The following CCDC88A variants were observed in gnomAD, a reference collection of about 807,000 sequenced individuals.
The protein encoded by CCDC88A is girdin.
A neutral mutation model predicts 234.3 loss-of-function variants in CCDC88A; 54 were observed. The observed-to-expected ratio is 0.23, with a 90% CI of 0.19 to 0.29. The LOEUF (loss-of-function observed/expected upper bound fraction) is 0.29. CCDC88A is among the 10% of genes least tolerant of loss of function. The probability of loss-of-function intolerance (pLI) is 1.00; values close to 1 mark genes in which losing one functional copy is unlikely to be tolerated. For synonymous variants in CCDC88A, 753 were observed against 737.8 expected, an observed-to-expected ratio of 1.02 and a Z score of -0.33; for missense variants, 1,832 against 2,123.4, an observed-to-expected ratio of 0.86 and a Z score of 2.70.
chr2:55,351,890 TA>T (rs1361846519), intron 8 of CCDC88A, among the ~76,000 whole-genome samples: 10 of 152,140 alleles, frequency 6.6e-5, no homozygotes. Context: ...TACTCAACTC[TA>T]AAAAGAATAA....
chr2:55,381,189 A>G (rs1674528173), intron 3 of CCDC88A, among the ~76,000 whole-genome samples: 1 of 152,206 alleles, frequency 6.6e-6, no homozygotes, highest in Non-Finnish European at 1.5e-5. Context: ...GTAGTAGACT[A>G]TATCATCTAC....
intron 18 of CCDC88A, among the ~76,000 whole-genome samples, chr2:55,319,590 C>T (rs983001905): frequency 5.3e-5 from 8 of 152,046 alleles, no homozygotes; most frequent in African/African-American, 1.7e-4. Flanking sequence ...ATTTTTCCCA[C>T]AATATAAAAT....
intron 32 of CCDC88A, chr2:55,291,388 C>G (rs919992225): frequency 1.6e-5 from 3 of 188,144 alleles, no homozygotes; most frequent in Non-Finnish European, 3.3e-5. Flanking sequence ...GTATTCCTAC[C>G]ACAAAAGGCT....
At chr2:55,355,360 T>C in intron 8 of CCDC88A, 1 of 463,106 alleles carries the variant, frequency 2.2e-6, no homozygotes, top group Non-Finnish European at 3.8e-6. Context: ...AAAAAATACA[T>C]ACTAGAATGC....
chr2:55,347,049 T>A (rs556274616), intron 9 of CCDC88A, among the ~76,000 whole-genome samples: 1 of 152,230 alleles, frequency 6.6e-6, no homozygotes, highest in South Asian at 2.1e-4. Flanking sequence ...AAATAAAAGA[T>A]GGTAAAAATA....
intron 5 of CCDC88A, among the ~76,000 whole-genome samples, chr2:55,370,641 CAAAAAAAAA>C (rs567431857): frequency 2.3e-4 from 11 of 47,530 alleles, no homozygotes; most frequent in African/African-American, 5.5e-4. Flanking sequence ...AACTCTGTCT[CAAAAAAAAA>C]AAAAAAAAAA....
chr2:55,314,933 C>G (rs928593346), intron 22 of CCDC88A: 1 of 152,080 alleles, frequency 6.6e-6, no homozygotes, highest in African/African-American at 2.4e-5. Flanking sequence ...TATGACTTAG[C>G]CCTCAGCCAA....
intron 2 of CCDC88A, among the ~76,000 whole-genome samples, chr2:55,391,944 G>A (rs553896889): frequency 3.3e-5 from 5 of 152,278 alleles, no homozygotes. Flanking sequence ...TCTCTTTCAG[G>A]CTGGAGGTTT....
At chr2:55,343,351 A>G (rs967531873) in intron 12 of CCDC88A, among the ~76,000 whole-genome samples, 1 of 152,116 alleles carries the variant, frequency 6.6e-6, no homozygotes, top group African/African-American at 2.4e-5. Flanking sequence ...AGATGGCTAT[A>G]TTTCTTAAAA....
intron 2 of CCDC88A, among the ~76,000 whole-genome samples, chr2:55,398,546 A>T (rs115950044): frequency 0.01 from 1,559 of 152,278 alleles, 12 homozygotes; most frequent in Non-Finnish European, 0.016. Flanking sequence ...CACGGAAAAC[A>T]GGCCTTTTCA....
intron 10 of CCDC88A, chr2:55,345,259 T>C (rs374752808): frequency 2.6e-5 from 4 of 152,306 alleles, no homozygotes; most frequent in African/African-American, 9.6e-5. Flanking sequence ...TAAGCTAAAA[T>C]GTTCTAACTA....
intron 9 of CCDC88A, among the ~76,000 whole-genome samples, chr2:55,347,376 C>T (rs985937622): frequency 1.3e-5 from 2 of 152,010 alleles, no homozygotes; most frequent in Non-Finnish European, 2.9e-5. Context: ...GTCTTTTTCA[C>T]TTTCATTCTC....
intron 7 of CCDC88A, chr2:55,356,307 T>C (rs921400871): frequency 1.3e-5 from 2 of 152,258 alleles, no homozygotes; most frequent in Non-Finnish European, 2.9e-5. Flanking sequence ...GCTTCATCCA[T>C]GTCCCTGCAA....
Position 55,362,369 on chromosome 2 carries a change from A to T in CCDC88A, c.566T>A (p.Leu189His). Residue 189 changes from leucine to histidine, a missense_variant, in exon 7 of 33, where the codon CTC becomes CAC. Around this residue, in one of 6 missense-constraint regions of CCDC88A, gnomAD observed 1,282 missense variants for 1,543.6 expected, o/e 0.83. Coordinates refer to ENST00000436346, the MANE Select transcript of CCDC88A (RefSeq NM_001365480.1). ...TAGATGCAATGCCATATTTTTCAAG[A>T]GTGGTTCTATGTCCTCCTGCGACAT... is the stretch of plus-strand genomic sequence containing the variant. Reference protein sequence around the residue: ...TDMSQEDIEPLLKNMALHLKR... With the variant: ...TDMSQEDIEPHLKNMALHLKR... The T allele has an allele frequency of 1.3e-6, 2 of 1,599,404 alleles. No homozygotes were observed. Among genetic ancestry groups the T allele is most frequent in the Non-Finnish European group, 1.7e-6 (2 of 1,174,026 alleles).
chr2:55,366,013 C>T (rs1671888469), intron 5 of CCDC88A, among the ~76,000 whole-genome samples: 2 of 152,122 alleles, frequency 1.3e-5, no homozygotes, highest in Non-Finnish European at 2.9e-5. Flanking sequence ...AGGCCAGCTC[C>T]AGAGCATGAG....
chr2:55,383,920 C>G (rs1305601230), intron 3 of CCDC88A, among the ~76,000 whole-genome samples: 1 of 152,062 alleles, frequency 6.6e-6, no homozygotes, highest in Non-Finnish European at 1.5e-5. Context: ...TGACCTATTT[C>G]TGAAGACAAT....
At chr2:55,336,008 C>T (rs566806466) in intron 14 of CCDC88A, among the ~76,000 whole-genome samples, 39 of 151,692 alleles carry the variant, frequency 2.6e-4, no homozygotes, top group African/African-American at 9.2e-4. Flanking sequence ...GCCTGGGGAG[C>T]ATAGTGATAC....
chr2:55,397,469 A>T (rs1392819020), intron 2 of CCDC88A: 1 of 152,006 alleles, frequency 6.6e-6, no homozygotes, highest in East Asian at 1.9e-4. Context: ...CAAGCTCATT[A>T]CTACATGACA....
intron 5 of CCDC88A, among the ~76,000 whole-genome samples, 171 bp downstream of exon 5, chr2:55,372,281 A>C (rs1296719741): frequency 6.6e-6 from 1 of 152,222 alleles, no homozygotes; most frequent in African/African-American, 2.4e-5. Flanking sequence ...AAATAAAATA[A>C]GTGGTTTTTT....
Sources: allele counts gnomAD v4.1 joint callset (sites outside exome capture counted in the v4.1 genomes callset), GRCh38; gene constraint gnomAD v4.1.1; regional missense constraint gnomAD v4.1.1; transcripts MANE v1.5; gene names NCBI Gene and HGNC (gene_info 2026-07-23, HGNC 2026-07-21).